The following TRPM1 variants were observed in gnomAD, a reference collection of about 807,000 sequenced individuals.
The protein encoded by TRPM1 is transient receptor potential cation channel subfamily M member 1.
A neutral mutation model predicts 149.4 loss-of-function variants in TRPM1; 113 were observed. The ratio of observed to expected loss-of-function variants is 0.76; its 90% confidence interval spans 0.65 to 0.88. The LOEUF (loss-of-function observed/expected upper bound fraction) is 0.88, where lower values mean the gene tolerates loss of function less well. Ranked by LOEUF, TRPM1 falls within the 40% of genes least tolerant of loss-of-function variation. TRPM1 has a pLI of 0.00. For missense variants in TRPM1, 1,976 were observed against 2,038.7 expected (o/e 0.97, Z 0.59); for synonymous variants, 741 against 759.5 (o/e 0.98, Z 0.40).
At chr15:31,113,456 A>C (rs780791181) in intron 1 of TRPM1, among the ~76,000 whole-genome samples, 2 of 151,616 alleles carry the variant, frequency 1.3e-5, no homozygotes, top group Non-Finnish European at 2.9e-5. Context: ...AAAATCTCTA[A>C]GGTATAGAGA....
intron 17 of TRPM1, among the ~76,000 whole-genome samples, 161 bp downstream of exon 17, chr15:31,041,790 G>C (rs1383655629): frequency 6.6e-6 from 1 of 152,226 alleles, no homozygotes; most frequent in African/African-American, 2.4e-5. Context: ...ACCTCTGAGA[G>C]ACAGAAAGAA....
chr15:31,146,975 G>A (rs1345772885), intron 1 of TRPM1, among the ~76,000 whole-genome samples: 1 of 147,694 alleles, frequency 6.8e-6, no homozygotes, highest in African/African-American at 2.5e-5. Flanking sequence ...TAACAAAAGC[G>A]AAATTCTGTC....
At chr15:31,029,885 T>G (rs1025896724) in intron 23 of TRPM1, among the ~76,000 whole-genome samples, 3 of 152,294 alleles carry the variant, frequency 2.0e-5, no homozygotes, top group African/African-American at 7.2e-5. Context: ...ATAACCCAAT[T>G]TAATTTAAAA....
intron 1 of TRPM1, among the ~76,000 whole-genome samples, chr15:31,092,904 A>G (rs758317022): frequency 4.9e-4 from 75 of 152,366 alleles, no homozygotes; most frequent in Non-Finnish European, 9.3e-4. Flanking sequence ...CCATTTGTAT[A>G]AAGTTCAAAA....
rs3080947 is a variant in TRPM1 at position 31,113,432 on chromosome 15, GT to G, written c.55-36449del. Among the ~76,000 whole-genome samples, 393 of 149,568 alleles carry G rather than the reference GT, an allele frequency of 2.6e-3. 2 individuals are homozygous for G. The highest frequency in any genetic ancestry group is 7.9e-3 in the African/African-American group (319 of 40,534). On this transcript the variant is annotated intron_variant, in intron 1 of 26. Coordinates refer to the TRPM1 transcript ENST00000542188. The stretch of plus-strand genomic sequence containing the variant: ...CAGAATTCAATACCCAGCTCTGACA[GT>G]TTTTTTTTTTTCAAAATCTCTAAGG...
chr15:31,143,451 G>A (rs997906617), intron 1 of TRPM1, among the ~76,000 whole-genome samples: 3 of 152,044 alleles, frequency 2.0e-5, no homozygotes, highest in African/African-American at 4.8e-5. Context: ...TGCTGCCCAC[G>A]CTGGAGTAGA....
At chr15:31,026,887 A>G in intron 26 of TRPM1, 28 bp downstream of exon 26, 1 of 1,609,730 alleles carries the variant, frequency 6.2e-7, no homozygotes, top group South Asian at 1.1e-5. Flanking sequence ...AATCAGCCCA[A>G]CTTAGAAATG....
chr15:31,113,307 T>A (rs541801525), intron 1 of TRPM1, among the ~76,000 whole-genome samples: 5 of 151,958 alleles, frequency 3.3e-5, no homozygotes, highest in Non-Finnish European at 7.4e-5. Flanking sequence ...CCAGGAAGAG[T>A]GCTGCCTCTG....
intron 15 of TRPM1, among the ~76,000 whole-genome samples, chr15:31,046,880 C>A (rs369820678): frequency 6.6e-6 from 1 of 152,164 alleles, no homozygotes; most frequent in Non-Finnish European, 1.5e-5. Flanking sequence ...AGGAGGAAGT[C>A]TGCTGTGGAT....
At chr15:31,049,252 C>A (rs2033867774) in intron 13 of TRPM1, 123 bp downstream of exon 13, 4 of 1,427,166 alleles carry the variant, frequency 2.8e-6, no homozygotes, top group Non-Finnish European at 3.9e-6. Context: ...AGCCGCCTGC[C>A]ATTAAGTACG....
At chr15:31,113,487 T>A (rs1357106320) in intron 1 of TRPM1, among the ~76,000 whole-genome samples, 1 of 151,846 alleles carries the variant, frequency 6.6e-6, no homozygotes, top group African/African-American at 2.4e-5. Flanking sequence ...TCAAACAATA[T>A]CTTAAAGACA....
At chr15:31,025,890 G>T (rs1324883268) in intron 27 of TRPM1, among the ~76,000 whole-genome samples, 3 of 152,248 alleles carry the variant, frequency 2.0e-5, no homozygotes, top group Non-Finnish European at 4.4e-5. Context: ...AGGGGGTGAA[G>T]GTAGTCAACT....
chr15:31,149,034 G>C (rs1001214747), intron 1 of TRPM1, among the ~76,000 whole-genome samples: 1 of 152,222 alleles, frequency 6.6e-6, no homozygotes, highest in Admixed American at 6.5e-5. Flanking sequence ...GAGTGACCTC[G>C]CAGGTCTGAG....
chr15:31,104,710 C>T (rs913596928), upstream of TRPM1, among the ~76,000 whole-genome samples: 9 of 151,156 alleles, frequency 6.0e-5, no homozygotes, highest in South Asian at 1.9e-3. Context: ...TCTCCTGCCT[C>T]AGCCTCCCGA....
At chr15:31,152,653 G>T (rs141780232) in intron 1 of TRPM1, among the ~76,000 whole-genome samples, 1 of 152,100 alleles carries the variant, frequency 6.6e-6, no homozygotes, top group Non-Finnish European at 1.5e-5. Context: ...CAGAGACTAC[G>T]TGTGTGTGAG....
At chr15:31,072,870 TTA>T (rs1350360553) in intron 3 of TRPM1, among the ~76,000 whole-genome samples, 8 of 151,880 alleles carry the variant, frequency 5.3e-5, no homozygotes, top group African/African-American at 1.7e-4. Context: ...CTTGGGTTAT[TTA>T]TTTTTTTTTA....
intron 25 of TRPM1, among the ~76,000 whole-genome samples, 158 bp downstream of exon 25, chr15:31,028,170 CTGAT>C (rs2032873673): frequency 6.6e-6 from 1 of 152,126 alleles, no homozygotes; most frequent in South Asian, 2.1e-4. Flanking sequence ...TACATTAAGA[CTGAT>C]TAAGTTTGAA....
chr15:31,035,976 C>A, intron 20 of TRPM1: 1 of 444,036 alleles, frequency 2.3e-6, no homozygotes, highest in Non-Finnish European at 4.2e-6. Flanking sequence ...ATTATGATAA[C>A]GGGAAACTTT....
chr15:31,067,174 G>T lies in TRPM1; in HGVS notation c.507C>A (p.His169Gln). Residue 169 changes from histidine (H) to glutamine (Q), a missense_variant, in exon 6 of 28, where the codon CAC becomes CAA. Transcript: ENST00000256552. ...AGTGGTCTTTCAAGGCATCCCCTAC[G>T]TGGCTGATAACACCTGTGAGCAGCC... Reference protein sequence around the residue: ...TGGVSTGVISHVGDALKDHSS... With the variant: ...TGGVSTGVISQVGDALKDHSS... 6.2e-7 allele frequency: 1 copy of T among 1,614,110 alleles called. No individual in the cohort carries two copies. The highest frequency in any genetic ancestry group is 2.2e-5 in the East Asian group (1 of 44,874).
Sources: gnomAD v4.1 joint callset for allele counts (sites outside exome capture counted in the v4.1 genomes callset) on GRCh38, gnomAD v4.1.1 for gene constraint, MANE v1.5 for transcripts, NCBI Gene and HGNC (gene_info 2026-07-23, HGNC 2026-07-21) for gene names.